FER: variants seen among roughly 807,000 people sequenced by gnomAD.
FER encodes FER tyrosine kinase.
In FER, 63 loss-of-function variants were observed where a neutral mutation model predicts 111.0. The ratio of observed to expected loss-of-function variants is 0.57; its 90% CI spans 0.46 to 0.70. The LOEUF (loss-of-function observed/expected upper bound fraction) is 0.70, where lower values mean the gene tolerates loss of function less well. Ranked by LOEUF, FER falls within the 30% of genes least tolerant of loss-of-function variation. The pLI, the probability that FER is intolerant of heterozygous loss-of-function variation, is 0.00. For synonymous variants in FER, 327 were observed against 313.9 expected, an observed-to-expected ratio of 1.04 and a Z score of -0.44; for missense variants, 914 against 954.0, an observed-to-expected ratio of 0.96 and a Z score of 0.55.
chr5:109,052,940 GT>G (rs1773049429), intron 16 of FER, among the ~76,000 whole-genome samples: 1 of 152,176 alleles, frequency 6.6e-6, no homozygotes, highest in African/African-American at 2.4e-5. Context: ...TGATCTTGCA[GT>G]TTGAATGCCT....
At chr5:109,122,247 T>TA (rs1267164930) in intron 17 of FER, among the ~76,000 whole-genome samples, 2 of 152,148 alleles carry the variant, frequency 1.3e-5, no homozygotes, top group Non-Finnish European at 2.9e-5. Flanking sequence ...TGCTGTATCT[T>TA]ACAGGTTTTA....
chr5:109,025,942 A>C (rs1163383237), intron 13 of FER, among the ~76,000 whole-genome samples: 1 of 152,040 alleles, frequency 6.6e-6, no homozygotes, highest in Non-Finnish European at 1.5e-5. Context: ...GCATTTTTTC[A>C]CTTATTATCA....
Position 108,993,365 on chromosome 5 carries a change from C to T in FER, c.1656+34018C>T, listed in dbSNP as rs563086658. ...CAGCCCGGCCAACACAGCGAAACCC[C>T]GTCTCCACCAAAAAAATACGAAAAC... On this transcript the variant is annotated intron_variant, in intron 13 of 19. Transcript: ENST00000281092. 2.9e-3 allele frequency among the ~76,000 whole-genome samples: 439 copies of T among 152,344 alleles called. 2 individuals carry two copies. Among genetic ancestry groups the T allele is most frequent in the African/African-American group, 0.01 (418 of 41,592 alleles).
chr5:108,988,622 G>A (rs764164600), intron 13 of FER, among the ~76,000 whole-genome samples: 9 of 152,072 alleles, frequency 5.9e-5, no homozygotes, highest in Non-Finnish European at 8.8e-5. Context: ...CGTGGTATCA[G>A]TTGTAATATC....
At position 108,883,388 on chromosome 5, in the gene FER, T is replaced by G; in HGVS notation, c.924-8T>G. On this transcript the variant is annotated splice_polypyrimidine_tract_variant and splice_region_variant and intron_variant, in intron 8 of 19. Transcript: ENST00000281092. ...GTTGGTTGTTATTGAGGATACTGTT[T>G]ATTCTAGGTTGAAAACGTTAGCGGA... The G allele has an allele frequency of 6.3e-7, 1 of 1,595,404 alleles. No homozygotes were observed. The highest frequency in any genetic ancestry group is 8.5e-7 in the Non-Finnish European group (1 of 1,171,534).
At chr5:108,791,205 G>A (rs28765243) in intron 2 of FER, among the ~76,000 whole-genome samples, 5 of 151,954 alleles carry the variant, frequency 3.3e-5, no homozygotes, top group Non-Finnish European at 7.4e-5. Context: ...TATGTTTTAC[G>A]TTTCCAGGAA....
chr5:108,965,304 T>C (rs1025411281), intron 13 of FER, among the ~76,000 whole-genome samples: 1 of 152,218 alleles, frequency 6.6e-6, no homozygotes, highest in Non-Finnish European at 1.5e-5. Flanking sequence ...TCTAACTTCA[T>C]CTGTGGCCTA....
Position 109,049,830 on chromosome 5 carries a change from G to A in FER, c.1924+2632G>A, listed in dbSNP as rs114076333. On this transcript the variant is annotated intron_variant, in intron 16 of 19. Coordinates refer to ENST00000281092, the MANE Select transcript of FER (RefSeq NM_005246.4). ...AAGGCATTTGGAGAAACTGGTAGAT[G>A]TCTTCAGCATATAGTTCAAATAAAT... Among the ~76,000 whole-genome samples, 609 of 152,316 alleles carry A rather than the reference G, an allele frequency of 4.0e-3. 4 individuals carry two copies. The highest frequency in any genetic ancestry group is 0.014 in the African/African-American group (576 of 41,572).
chr5:109,091,194 G>A (rs1746697659), intron 16 of FER, among the ~76,000 whole-genome samples: 1 of 152,154 alleles, frequency 6.6e-6, no homozygotes, highest in Non-Finnish European at 1.5e-5. Flanking sequence ...CCCATCATAG[G>A]CCCATATTAT....
intron 3 of FER, among the ~76,000 whole-genome samples, chr5:108,822,210 T>G (rs1450496676): frequency 6.6e-6 from 1 of 152,166 alleles, no homozygotes; most frequent in Admixed American, 6.6e-5. Context: ...AATATTCCAT[T>G]ATATATGTGT....
In FER at chr5:108,897,832, G is replaced by T. The variant is rs752984074; in HGVS notation, c.1220G>T (p.Arg407Leu). 1.9e-6 allele frequency: 3 copies of T among 1,611,140 alleles called. No individual in the cohort carries two copies. The highest frequency in any genetic ancestry group is 2.7e-5 in the African/African-American group (2 of 74,816). ...GTAGTAAATTATGAAGAAGATGCACGATCAGTTACATCTATGGTAAGCTAA... is the reference window on the plus strand; with the variant it reads ...GTAGTAAATTATGAAGAAGATGCACTATCAGTTACATCTATGGTAAGCTAA... Reference protein sequence around the residue: ...PPVVNYEEDARSVTSMERKER... With the variant: ...PPVVNYEEDALSVTSMERKER... Residue 407 changes from arginine to leucine, a missense_variant, in exon 10 of 20, where the codon CGA becomes CTA. Arg to Leu is a moderately radical substitution (Grantham distance 102). Coordinates refer to ENST00000281092, the MANE Select transcript of FER (RefSeq NM_005246.4).
rs1382393012 is a variant in FER, at chr5:108,862,336, A to G, written c.482-5431A>G. On this transcript the variant is annotated intron_variant, in intron 5 of 19. Transcript: ENST00000281092. ...CTCTAATGTTATCTTGGAGCATAAA[A>G]TCTTACTGAGTTGAGTGTTGTATGT... 2.0e-5 allele frequency among the ~76,000 whole-genome samples: 3 copies of G among 152,272 alleles called. No homozygotes were observed. The East Asian group carries it at 5.8e-4, about 29-fold the overall frequency.
intron 2 of FER, among the ~76,000 whole-genome samples, chr5:108,768,758 C>G (rs1475570337): frequency 1.3e-5 from 2 of 152,030 alleles, no homozygotes; most frequent in East Asian, 3.8e-4. Flanking sequence ...ATCCTTATTT[C>G]TATCCTTATA....
At chr5:108,839,149 A>G (rs548359983) in intron 5 of FER, among the ~76,000 whole-genome samples, 4 of 152,350 alleles carry the variant, frequency 2.6e-5, no homozygotes, top group South Asian at 4.1e-4. Context: ...GGCCCATGTC[A>G]GTGCCTCTTA....
intron 17 of FER, among the ~76,000 whole-genome samples, chr5:109,119,580 C>T (rs576129446): frequency 7.2e-5 from 11 of 151,966 alleles, no homozygotes; most frequent in African/African-American, 1.7e-4. Context: ...CTTTCTGTCT[C>T]GTTGATCTGT....
rs908310102 is a variant in FER at position 109,160,967 on chromosome 5, G to A, written c.2049-19780G>A. On this transcript the variant is annotated intron_variant, in intron 17 of 19. Coordinates refer to ENST00000281092, the MANE Select transcript of FER (RefSeq NM_005246.4). Reference sequence around the variant, plus strand: ...ACCTTGATATATTATCTTATTCTTTGCCATTCTTAGCATAATGACCTTTTT... The same window carrying A: ...ACCTTGATATATTATCTTATTCTTTACCATTCTTAGCATAATGACCTTTTT... 2.6e-5 allele frequency among the ~76,000 whole-genome samples: 4 copies of A among 152,132 alleles called. 1 individual carries two copies. In the Middle Eastern group the frequency reaches 0.014, roughly 517 times the overall value.
intron 17 of FER, among the ~76,000 whole-genome samples, chr5:109,177,981 G>A (rs1343984196): frequency 6.6e-6 from 1 of 152,192 alleles, no homozygotes; most frequent in Admixed American, 6.5e-5. Flanking sequence ...GTACTAGTGT[G>A]TCTCCCAAAG....
intron 5 of FER, among the ~76,000 whole-genome samples, chr5:108,850,372 TC>T (rs1762438368): frequency 6.6e-6 from 1 of 152,148 alleles, no homozygotes; most frequent in African/African-American, 2.4e-5. Context: ...TGATTTTTCT[TC>T]TGCATAAGTT....
intron 5 of FER, among the ~76,000 whole-genome samples, chr5:108,863,078 A>G (rs1763689723): frequency 2.0e-5 from 3 of 152,140 alleles, no homozygotes; most frequent in South Asian, 4.1e-4. Context: ...TCACTTTTAG[A>G]TGGAAGGCTG....
Sources: gnomAD v4.1 joint callset for allele counts (sites outside exome capture counted in the v4.1 genomes callset) on GRCh38, gnomAD v4.1.1 for gene constraint, MANE v1.5 for transcripts, NCBI Gene and HGNC (gene_info 2026-07-23, HGNC 2026-07-21) for gene names.